MCC: variants seen among roughly 807,000 people sequenced by gnomAD.
MCC encodes the protein colorectal mutant cancer protein.
A neutral mutation model predicts 116.2 loss-of-function variants in MCC; 90 were observed. The ratio of observed to expected loss-of-function variants is 0.77; its 90% CI spans 0.65 to 0.92. MCC has a LOEUF of 0.92. Among genes scored for constraint, MCC ranks in the 40% least tolerant of loss-of-function variants. The pLI is 0.00. For synonymous variants in MCC, 578 were observed against 510.5 expected, an observed-to-expected ratio of 1.13 and a Z score of -1.78; for missense variants, 1,516 against 1,312.2, an observed-to-expected ratio of 1.16 and a Z score of -2.40.
intron 2 of MCC, among the ~76,000 whole-genome samples, chr5:113,342,507 T>A (rs1452086559): frequency 6.6e-6 from 1 of 152,204 alleles, no homozygotes; most frequent in Non-Finnish European, 1.5e-5. Context: ...TAAAACATGC[T>A]AATAGTTATA....
chr5:113,118,951 T>A (rs1757562637), intron 6 of MCC, among the ~76,000 whole-genome samples: 1 of 152,140 alleles, frequency 6.6e-6, no homozygotes, highest in South Asian at 2.1e-4. Flanking sequence ...GTTCCCAGAT[T>A]CCTGCTCGGC....
chr5:113,043,723 T>G (rs1751884706), intron 16 of MCC, 93 bp from the exon 17 acceptor site: 8 of 850,264 alleles, frequency 9.4e-6, no homozygotes, highest in African/African-American at 1.7e-5. Context: ...GCTCGTGCAG[T>G]GATGGCAGCA....
chr5:113,278,006 CA>C (rs1212597817), intron 3 of MCC, among the ~76,000 whole-genome samples: 1 of 152,174 alleles, frequency 6.6e-6, no homozygotes, highest in South Asian at 2.1e-4. Flanking sequence ...AGGAGATCTC[CA>C]GTCTCACCTA....
intron 1 of MCC, among the ~76,000 whole-genome samples, chr5:113,453,199 T>C (rs1278666368): frequency 6.6e-6 from 1 of 152,118 alleles, no homozygotes; most frequent in Non-Finnish European, 1.5e-5. Flanking sequence ...GATGCATTGT[T>C]ACATCTGAGA....
intron 3 of MCC, among the ~76,000 whole-genome samples, chr5:113,309,936 C>T (rs749390993): frequency 3.5e-5 from 5 of 144,210 alleles, no homozygotes; most frequent in Non-Finnish European, 4.6e-5. Flanking sequence ...CTCCCTCCCT[C>T]TCTTCCTCTC....
intron 3 of MCC, among the ~76,000 whole-genome samples, chr5:113,161,660 G>A (rs1760494238): frequency 1.8e-5 from 1 of 54,872 alleles, no homozygotes; most frequent in Non-Finnish European, 4.5e-5. Context: ...GTGTGTGTGT[G>A]TGTGTGTGTG....
intron 1 of MCC, among the ~76,000 whole-genome samples, chr5:113,395,913 A>G (rs1190215367): frequency 3.9e-5 from 6 of 152,114 alleles, no homozygotes; most frequent in Non-Finnish European, 8.8e-5. Flanking sequence ...GGGAAATGGG[A>G]GAGGGGAAGG....
chr5:113,149,958 A>G (rs1194718015), intron 4 of MCC, among the ~76,000 whole-genome samples: 1 of 152,210 alleles, frequency 6.6e-6, no homozygotes, highest in Non-Finnish European at 1.5e-5. Flanking sequence ...GGAGAATAGT[A>G]GCTAAAACTA....
intron 6 of MCC, among the ~76,000 whole-genome samples, chr5:113,111,262 G>C (rs147716851): frequency 6.6e-6 from 1 of 152,326 alleles, no homozygotes; most frequent in African/African-American, 2.4e-5. Context: ...TGTCTGTGTG[G>C]AGTTTGTACA....
chr5:113,277,250 C>T (rs1012669954), intron 3 of MCC, among the ~76,000 whole-genome samples: 1 of 151,630 alleles, frequency 6.6e-6, no homozygotes, highest in Non-Finnish European at 1.5e-5. Context: ...CACCTGTAAT[C>T]CCAGCTACTC....
intron 17 of MCC, among the ~76,000 whole-genome samples, chr5:113,032,753 A>T (rs1234920761): frequency 1.3e-5 from 2 of 152,214 alleles, no homozygotes; most frequent in Non-Finnish European, 2.9e-5. Flanking sequence ...GTCAGCACAA[A>T]ATACAGGTCA....
At chr5:113,183,405 T>G (rs1287104370) in intron 3 of MCC, among the ~76,000 whole-genome samples, 1 of 152,168 alleles carries the variant, frequency 6.6e-6, no homozygotes, top group African/African-American at 2.4e-5. Flanking sequence ...CAGAGAAAAT[T>G]TGTCAGACTC....
chr5:113,333,070 T>C lies in MCC; in HGVS notation c.627+7449A>G, dbSNP rs143667140. On this transcript the variant is annotated intron_variant, in intron 3 of 18. Coordinates refer to ENST00000408903, the MANE Select transcript of MCC (RefSeq NM_001085377.2). ...AACAAAAAAACTCCTCGGTATTTTA[T>C]GGTTGATATGAAAAAAGGGGGAAAC... Among the ~76,000 whole-genome samples, 15 of 151,786 alleles carry C rather than the reference T, an allele frequency of 9.9e-5. No individual in the cohort carries two copies. The East Asian group carries it at 2.7e-3, about 27-fold the overall frequency.
chr5:113,293,279 T>C (rs1433340488), intron 3 of MCC, among the ~76,000 whole-genome samples: 1 of 151,836 alleles, frequency 6.6e-6, no homozygotes, highest in Non-Finnish European at 1.5e-5. Flanking sequence ...CCTGCATTTT[T>C]CCCTTCACCA....
At chr5:113,044,135 C>A (rs1241363112) in intron 16 of MCC, among the ~76,000 whole-genome samples, 2 of 152,156 alleles carry the variant, frequency 1.3e-5, no homozygotes, top group African/African-American at 2.4e-5. Flanking sequence ...TGAGAAATAC[C>A]TGTGAATATC....
intron 3 of MCC, 84 bp downstream of exon 3, chr5:113,340,435 G>T: frequency 8.9e-7 from 1 of 1,119,734 alleles, no homozygotes. Flanking sequence ...TACCCGATAT[G>T]TCCCCTGGAG....
At chr5:113,035,727 T>C (rs1751284400) in intron 17 of MCC, among the ~76,000 whole-genome samples, 1 of 152,132 alleles carries the variant, frequency 6.6e-6, no homozygotes, top group African/African-American at 2.4e-5. Context: ...TGACCACCCA[T>C]CTAAACTCAT....
intron 3 of MCC, among the ~76,000 whole-genome samples, chr5:113,193,245 A>G (rs1294265415): frequency 6.6e-6 from 1 of 152,030 alleles, no homozygotes; most frequent in Non-Finnish European, 1.5e-5. Context: ...GCCTACCTGG[A>G]TAATACAGGA....
chr5:113,068,135 ACT>A lies in MCC; in HGVS notation c.1972_1973del (p.Ser658Ter), dbSNP rs763749428. 1 of 1,614,046 alleles carries A rather than the reference ACT, an allele frequency of 6.2e-7. No homozygotes were observed. The highest frequency in any genetic ancestry group is 8.5e-7 in the Non-Finnish European group (1 of 1,179,998). On this transcript the variant is annotated frameshift_variant, in exon 13 of 19. Transcript: ENST00000408903. LOFTEE classifies it high-confidence loss of function. ...AYELLLALAE[S>X]EQSLILGQFR... ...ACTGCCCCAGGATGAGGCTCTGCTCACTCTCTGCCAGCGCCAGGAGGAGTTCG... is the reference window on the plus strand; with the variant it reads ...ACTGCCCCAGGATGAGGCTCTGCTCACTCTGCCAGCGCCAGGAGGAGTTCG...
Sources: gnomAD v4.1 joint callset for allele counts (sites outside exome capture counted in the v4.1 genomes callset) on GRCh38, gnomAD v4.1.1 for gene constraint, MANE v1.5 for transcripts, NCBI Gene and HGNC (gene_info 2026-07-23, HGNC 2026-07-21) for gene names.